Variants in SKAP1 observed in about 807,000 individuals in gnomAD.
The protein encoded by SKAP1 is src kinase associated phosphoprotein 1.
SKAP1 carries 44 observed loss-of-function variants against 58.5 expected under a neutral mutation model. That is an observed-to-expected ratio of 0.75 (90% CI 0.59 to 0.97). SKAP1 has a LOEUF of 0.97. SKAP1 is among the 50% of genes least tolerant of loss of function. The pLI is 0.00. For missense variants in SKAP1, 390 were observed against 435.2 expected (o/e 0.90, Z 0.92); for synonymous variants, 127 against 149.7 (o/e 0.85, Z 1.11).
chr17:48,313,926 GA>G (rs2066256943), intron 4 of SKAP1, among the ~76,000 whole-genome samples: 1 of 152,076 alleles, frequency 6.6e-6, no homozygotes, highest in African/African-American at 2.4e-5. Context: ...ACTTTAATAA[GA>G]AAGTTTAAAT....
intron 4 of SKAP1, chr17:48,249,058 A>T (rs568556304): frequency 1.3e-5 from 2 of 152,120 alleles, no homozygotes; most frequent in African/African-American, 4.8e-5. Flanking sequence ...AACAAAAAAA[A>T]CCCATTTAAT....
chr17:48,203,431 A>G (rs1350876028), intron 4 of SKAP1, among the ~76,000 whole-genome samples: 1 of 152,222 alleles, frequency 6.6e-6, no homozygotes, highest in Non-Finnish European at 1.5e-5. Flanking sequence ...GTATAAGTTT[A>G]TTTAAAAGTC....
intron 2 of SKAP1, among the ~76,000 whole-genome samples, chr17:48,392,172 G>A (rs1172372012): frequency 6.6e-6 from 1 of 152,028 alleles, no homozygotes; most frequent in Non-Finnish European, 1.5e-5. Context: ...TCCACGTTAA[G>A]CTGAAAAGAA....
chr17:48,267,308 A>C (rs766540230), intron 4 of SKAP1, among the ~76,000 whole-genome samples: 1 of 152,234 alleles, frequency 6.6e-6, no homozygotes, highest in Non-Finnish European at 1.5e-5. Flanking sequence ...TAACTTAAAC[A>C]ATACCTCAAT....
At chr17:48,197,229 G>C (rs2064646625) in intron 4 of SKAP1, among the ~76,000 whole-genome samples, 1 of 130,830 alleles carries the variant, frequency 7.6e-6, no homozygotes, top group African/African-American at 2.8e-5. Context: ...CTGCACTCCA[G>C]TCTAGGTGAT....
chr17:48,242,366 G>C (rs2143829771), intron 4 of SKAP1, among the ~76,000 whole-genome samples: 1 of 152,274 alleles, frequency 6.6e-6, no homozygotes. Flanking sequence ...CAGAGTAACA[G>C]AGCCCTAAAT....
chr17:48,371,949 T>A (rs1291614828), intron 2 of SKAP1, among the ~76,000 whole-genome samples: 1 of 152,204 alleles, frequency 6.6e-6, no homozygotes, highest in Non-Finnish European at 1.5e-5. Flanking sequence ...TTGTGCTAGA[T>A]ATACACATAT....
intron 4 of SKAP1, among the ~76,000 whole-genome samples, chr17:48,337,324 G>A (rs1468443804): frequency 6.6e-6 from 1 of 152,184 alleles, no homozygotes; most frequent in Non-Finnish European, 1.5e-5. Context: ...GTTAAATAGT[G>A]TTATTAACCT....
At chr17:48,248,666 C>T (rs1325730206) in intron 4 of SKAP1, among the ~76,000 whole-genome samples, 1 of 151,966 alleles carries the variant, frequency 6.6e-6, no homozygotes, top group Non-Finnish European at 1.5e-5. Flanking sequence ...TACAGCAATA[C>T]CATAGTAATA....
chr17:48,347,051 T>C (rs1302786773), intron 3 of SKAP1, among the ~76,000 whole-genome samples: 2 of 152,218 alleles, frequency 1.3e-5, no homozygotes, highest in African/African-American at 2.4e-5. Flanking sequence ...TTGTATTCTG[T>C]AGAAGTGACT....
At chr17:48,194,489 A>G (rs1246495497) in intron 4 of SKAP1, among the ~76,000 whole-genome samples, 1 of 152,176 alleles carries the variant, frequency 6.6e-6, no homozygotes, top group Non-Finnish European at 1.5e-5. Flanking sequence ...CTATTTAACC[A>G]GCTGCGTTCT....
chr17:48,283,035 C>T (rs1471157217), intron 4 of SKAP1, among the ~76,000 whole-genome samples: 1 of 152,130 alleles, frequency 6.6e-6, no homozygotes, highest in Non-Finnish European at 1.5e-5. Context: ...TTGGGAGAGT[C>T]AAACTCTTAT....
intron 4 of SKAP1, among the ~76,000 whole-genome samples, chr17:48,289,884 A>G (rs572952744): frequency 6.6e-6 from 1 of 152,312 alleles, no homozygotes; most frequent in East Asian, 1.9e-4. Context: ...GGAGTATTTC[A>G]GAACATGTAC....
At chr17:48,314,597 T>C (rs781502630) in intron 4 of SKAP1, among the ~76,000 whole-genome samples, 14 of 152,182 alleles carry the variant, frequency 9.2e-5, no homozygotes, top group Non-Finnish European at 1.9e-4. Flanking sequence ...GGGAAATCTC[T>C]TAAAAATTAA....
chr17:48,160,295 A>AT (rs929400999), intron 11 of SKAP1, among the ~76,000 whole-genome samples: 16 of 150,624 alleles, frequency 1.1e-4, no homozygotes, highest in South Asian at 2.1e-4. Flanking sequence ...ACACCCAGCT[A>AT]TTTTTTTTTA....
intron 4 of SKAP1, among the ~76,000 whole-genome samples, chr17:48,310,952 G>T (rs1333135438): frequency 4.6e-5 from 7 of 152,158 alleles, no homozygotes; most frequent in African/African-American, 1.7e-4. Context: ...TGCCATCTCA[G>T]TCCCACTGAA....
chr17:48,442,857 C>G, the SKAP1 span, among the ~76,000 whole-genome samples: 1 of 152,160 alleles, frequency 6.6e-6, no homozygotes, highest in African/African-American at 2.4e-5. Flanking sequence ...TCTGCCCATG[C>G]CTCTTTCCTA....
At chr17:48,386,373 A>G (rs2067277041) in intron 2 of SKAP1, among the ~76,000 whole-genome samples, 1 of 150,554 alleles carries the variant, frequency 6.6e-6, no homozygotes, top group African/African-American at 2.5e-5. Context: ...GATCTCCAGA[A>G]ATATGTATTC....
intron 4 of SKAP1, among the ~76,000 whole-genome samples, chr17:48,319,697 C>T (rs982372695): frequency 1.3e-5 from 2 of 152,090 alleles, no homozygotes; most frequent in African/African-American, 4.8e-5. Flanking sequence ...CAAAAATTAG[C>T]TGGGTGTAGT....
Sources: allele counts gnomAD v4.1 joint callset (sites outside exome capture counted in the v4.1 genomes callset), GRCh38; gene constraint gnomAD v4.1.1; transcripts MANE v1.5; gene names NCBI Gene and HGNC (gene_info 2026-07-23, HGNC 2026-07-21).